ATP6V1B2: variants seen among roughly 807,000 people sequenced by gnomAD.
ATP6V1B2 encodes ATPase H+ transporting V1 subunit B2.
In ATP6V1B2, 23 loss-of-function variants were observed where a neutral mutation model predicts 66.7. The observed-to-expected ratio is 0.34, with a 90% CI of 0.25 to 0.49. The LOEUF is 0.49. ATP6V1B2 is among the 20% of genes least tolerant of loss of function. The pLI is 0.99. For synonymous variants in ATP6V1B2, 278 were observed against 236.7 expected, an observed-to-expected ratio of 1.17 and a Z score of -1.60; for missense variants, 478 against 650.8, an observed-to-expected ratio of 0.73 and a Z score of 2.89.
intron 1 of ATP6V1B2, among the ~76,000 whole-genome samples, chr8:20,198,134 A>G (rs1312355567): frequency 1.3e-5 from 2 of 152,218 alleles, no homozygotes; most frequent in African/African-American, 4.8e-5. Context: ...GCTGAAAAGT[A>G]CCTTGCAGGT....
chr8:20,216,644 A>G (rs2072857281), intron 11 of ATP6V1B2, 149 bp downstream of exon 11: 1 of 662,272 alleles, frequency 1.5e-6, no homozygotes, highest in East Asian at 3.0e-5. Flanking sequence ...CATTTCTATT[A>G]TCTTAAATTC....
chr8:20,203,365 C>G (rs902674505), intron 1 of ATP6V1B2, among the ~76,000 whole-genome samples: 3 of 152,184 alleles, frequency 2.0e-5, no homozygotes, highest in African/African-American at 7.2e-5. Flanking sequence ...TCTGGCTTCC[C>G]CGCCTGAGGC....
chr8:20,198,231 T>C (rs2072648729), intron 1 of ATP6V1B2, among the ~76,000 whole-genome samples: 1 of 152,234 alleles, frequency 6.6e-6, no homozygotes, highest in Admixed American at 6.5e-5. Context: ...CACTTAATTA[T>C]TGGCAGAGCA....
At chr8:20,199,026 A>G (rs913269752) in intron 1 of ATP6V1B2, among the ~76,000 whole-genome samples, 4 of 152,208 alleles carry the variant, frequency 2.6e-5, no homozygotes, top group Non-Finnish European at 5.9e-5. Context: ...GTGCCTCTCA[A>G]AAAAGGTTAT....
At chr8:20,205,321 A>G (rs1482130370) in intron 2 of ATP6V1B2, among the ~76,000 whole-genome samples, 2 of 152,224 alleles carry the variant, frequency 1.3e-5, no homozygotes, top group African/African-American at 2.4e-5. Flanking sequence ...AATTGTGTTA[A>G]GTGCTGAGCC....
chr8:20,197,785 G>A (rs2072643836), intron 1 of ATP6V1B2, among the ~76,000 whole-genome samples: 1 of 152,172 alleles, frequency 6.6e-6, no homozygotes. Context: ...GCTCCTGGCT[G>A]TTGCCCTACC....
At chr8:20,220,152 T>G in intron 13 of ATP6V1B2, 111 bp from the exon 14 acceptor site, 1 of 1,281,690 alleles carries the variant, frequency 7.8e-7, no homozygotes, top group South Asian at 1.6e-5. Flanking sequence ...TCCCAACTTT[T>G]TTTTTTCAAT....
chr8:20,199,866 C>A (rs953405935), intron 1 of ATP6V1B2, among the ~76,000 whole-genome samples: 1 of 152,094 alleles, frequency 6.6e-6, no homozygotes, highest in East Asian at 1.9e-4. Context: ...CTACCTAGGC[C>A]TCCCAAAGTG....
At chr8:20,206,475 T>C (rs902184552) in intron 2 of ATP6V1B2, among the ~76,000 whole-genome samples, 1 of 152,194 alleles carries the variant, frequency 6.6e-6, no homozygotes, top group Non-Finnish European at 1.5e-5. Context: ...GTTACAGAAC[T>C]CAGGAAAACC....
chr8:20,216,614 T>A, intron 11 of ATP6V1B2, 119 bp downstream of exon 11: 1 of 848,126 alleles, frequency 1.2e-6, no homozygotes, highest in Non-Finnish European at 1.8e-6. Flanking sequence ...GAATTGTTTT[T>A]AATATGGTTA....
Position 20,218,280 on chromosome 8 carries a change from A to T in ATP6V1B2, c.1394A>T (p.Gln465Leu). The T allele has an allele frequency of 6.2e-7, 1 of 1,612,658 alleles. No individual in the cohort carries two copies. Among genetic ancestry groups the T allele is most frequent in the Non-Finnish European group, 8.5e-7 (1 of 1,179,150 alleles). The change falls in exon 13 of 14, where the codon CAG becomes CTG. Residue 465 changes from glutamine to leucine, a missense_variant and splice_region_variant. This residue lies in a region of ATP6V1B2 where 326 missense variants were observed against 545.6 expected (regional missense o/e 0.60). Coordinates refer to ENST00000276390, the MANE Select transcript of ATP6V1B2 (RefSeq NM_001693.4). ...AAGTTTGAGAGGAACTTCATTGCTC[A>T]GGGTAAGATGACTGTTGGCTTACAA... ...LQKFERNFIA[Q>L]GPYENRTVFE...
At chr8:20,199,735 C>G (rs1384683414) in intron 1 of ATP6V1B2, among the ~76,000 whole-genome samples, 4 of 150,188 alleles carry the variant, frequency 2.7e-5, no homozygotes, top group Non-Finnish European at 1.5e-5. Context: ...GTCAGCCTTT[C>G]GAGTAGCTGG....
chr8:20,209,355 G>T, intron 2 of ATP6V1B2, 78 bp from the exon 3 acceptor site: 3 of 1,390,092 alleles, frequency 2.2e-6, no homozygotes, highest in East Asian at 2.4e-5. Context: ...GACACAACAT[G>T]GGAGAGACAG....
At chr8:20,212,728 T>TA in intron 8 of ATP6V1B2, 54 bp from the exon 9 acceptor site, 1 of 1,583,026 alleles carries the variant, frequency 6.3e-7, no homozygotes, top group Non-Finnish European at 8.5e-7. Context: ...TCTTTTTGTG[T>TA]TTTCTTTTTG....
chr8:20,208,504 T>G (rs2072760137), intron 2 of ATP6V1B2, among the ~76,000 whole-genome samples: 1 of 152,172 alleles, frequency 6.6e-6, no homozygotes, highest in Non-Finnish European at 1.5e-5. Context: ...AAATGTCATG[T>G]TAATATCAGG....
At chr8:20,218,562 A>G (rs2072877350) in intron 13 of ATP6V1B2, among the ~76,000 whole-genome samples, 1 of 151,866 alleles carries the variant, frequency 6.6e-6, no homozygotes, top group Admixed American at 6.6e-5. Context: ...CTGCGGTACA[A>G]CTTCATTGCC....
chr8:20,205,528 T>A (rs1219501668), intron 2 of ATP6V1B2, among the ~76,000 whole-genome samples: 3 of 152,144 alleles, frequency 2.0e-5, no homozygotes, highest in Non-Finnish European at 4.4e-5. Flanking sequence ...CCTAAAAAAG[T>A]TTCATTGAAT....
chr8:20,217,146 AT>A, intron 11 of ATP6V1B2, 73 bp from the exon 12 acceptor site: 1 of 1,229,140 alleles, frequency 8.1e-7, no homozygotes, highest in Non-Finnish European at 1.2e-6. Flanking sequence ...TGAGTTTCAA[AT>A]GTTTTTTTAT....
At position 20,211,392 on chromosome 8, in the gene ATP6V1B2, C is replaced by T. The variant is rs111468230; in HGVS notation, c.603+76C>T. ...TAATGCATCACTGTTACTGAGAAAC[C>T]GAATAAAGGGTTTTCAAAATAAATA... On this transcript the variant is annotated intron_variant, in intron 6 of 13. Coordinates refer to ENST00000276390, the MANE Select transcript of ATP6V1B2 (RefSeq NM_001693.4). 12,893 of 1,545,616 alleles carry T rather than the reference C, an allele frequency of 8.3e-3. 73 individuals carry two copies. Among genetic ancestry groups the T allele is most frequent in the African/African-American group, 0.017 (1,205 of 71,922 alleles).
Sources: gnomAD v4.1 joint callset for allele counts (sites outside exome capture counted in the v4.1 genomes callset) on GRCh38, gnomAD v4.1.1 for gene constraint, gnomAD v4.1.1 regional missense constraint, MANE v1.5 for transcripts, NCBI Gene and HGNC (gene_info 2026-07-23, HGNC 2026-07-21) for gene names.